The following EEPD1 variants were observed in gnomAD, a reference collection of about 807,000 sequenced individuals.
EEPD1 encodes the protein endonuclease/exonuclease/phosphatase family domain-containing protein 1.
EEPD1 carries 17 observed loss-of-function variants against 46.3 expected under a neutral mutation model. That is an observed-to-expected ratio of 0.37 (90% CI 0.25 to 0.55). The LOEUF (loss-of-function observed/expected upper bound fraction) is 0.55. EEPD1 is among the 20% of genes least tolerant of loss of function. The probability of loss-of-function intolerance (pLI) is 0.83; values close to 1 mark genes in which losing one functional copy is unlikely to be tolerated. For missense variants in EEPD1, 673 were observed against 745.6 expected (o/e 0.90, Z 1.13); for synonymous variants, 313 against 315.6 (o/e 0.99, Z 0.09).
chr7:36,234,452 G>A (rs1437591044), intron 2 of EEPD1, among the ~76,000 whole-genome samples: 1 of 151,968 alleles, frequency 6.6e-6, no homozygotes, highest in Admixed American at 6.6e-5. Flanking sequence ...GAGGCGAATC[G>A]CTTGAGCTCA....
chr7:36,224,469 C>G (rs1429759727), intron 2 of EEPD1, among the ~76,000 whole-genome samples: 1 of 152,134 alleles, frequency 6.6e-6, no homozygotes, highest in Non-Finnish European at 1.5e-5. Flanking sequence ...TCCTGCAGAA[C>G]AAGGTAAAAG....
intron 3 of EEPD1, among the ~76,000 whole-genome samples, chr7:36,248,514 C>CT (rs35722763): frequency 2.4e-3 from 303 of 126,746 alleles, no homozygotes; most frequent in East Asian, 0.016. Flanking sequence ...GCCAGATACT[C>CT]TTTTTTTTTT....
intron 4 of EEPD1, among the ~76,000 whole-genome samples, chr7:36,284,157 A>G (rs1387148572): frequency 6.6e-6 from 1 of 152,198 alleles, no homozygotes; most frequent in Non-Finnish European, 1.5e-5. Context: ...CCATTAGGTC[A>G]ACTGCGACCT....
chr7:36,296,859 T>A (rs1266785252), intron 6 of EEPD1, 134 bp from the exon 7 acceptor site: 9 of 772,400 alleles, frequency 1.2e-5, no homozygotes, highest in African/African-American at 3.5e-5. Context: ...GTGAGGAGAG[T>A]GAGAACCATG....
chr7:36,279,317 G>A (rs1787226274), intron 3 of EEPD1, among the ~76,000 whole-genome samples: 1 of 152,144 alleles, frequency 6.6e-6, no homozygotes, highest in South Asian at 2.1e-4. Flanking sequence ...ATGCTTACAT[G>A]ACTAACTGTA....
intron 2 of EEPD1, among the ~76,000 whole-genome samples, chr7:36,174,074 T>C (rs1362850555): frequency 1.3e-5 from 2 of 152,192 alleles, no homozygotes; most frequent in Non-Finnish European, 2.9e-5. Flanking sequence ...ACTGTGTGGC[T>C]GGTGGCAGTA....
intron 2 of EEPD1, among the ~76,000 whole-genome samples, chr7:36,159,459 C>G (rs1562668325): frequency 6.6e-6 from 1 of 152,208 alleles, no homozygotes; most frequent in Non-Finnish European, 1.5e-5. Context: ...TCCATTTTGA[C>G]ACTTTTGGAA....
intron 6 of EEPD1, among the ~76,000 whole-genome samples, chr7:36,292,444 T>TCTCC (rs887867718): frequency 2.7e-4 from 41 of 151,638 alleles, no homozygotes; most frequent in African/African-American, 9.7e-4. Context: ...TCTCTCTGTC[T>TCTCC]CTCCCTCCCT....
rs372191625 is a variant in EEPD1 at position 36,287,651 on chromosome 7, G to C, written c.1189G>C (p.Asp397His). 1 of 1,613,914 alleles carries C rather than the reference G, an allele frequency of 6.2e-7. No individual in the cohort carries two copies. Among genetic ancestry groups the C allele is most frequent in the Non-Finnish European group, 8.5e-7 (1 of 1,179,894 alleles). ...YLGRFKVGSH[D>H]LTLVNLHLAA... ...TCCTGCTGCCTAGGTGGGAAGTCAC[G>C]ACCTGACCCTTGTTAACCTTCACCT... The change falls in exon 6 of 8, where the codon GAC (aspartate) becomes CAC (histidine). Residue 397 changes from aspartate to histidine, a missense_variant. By Grantham distance (81) the Asp-to-His change is moderately conservative. Coordinates refer to ENST00000242108, the MANE Select transcript of EEPD1 (RefSeq NM_030636.3).
chr7:36,262,757 C>CTA (rs1156607149), intron 3 of EEPD1, among the ~76,000 whole-genome samples: 4 of 152,214 alleles, frequency 2.6e-5, no homozygotes, highest in Admixed American at 2.6e-4. Flanking sequence ...CATTGTGCCT[C>CTA]TAAGTACACA....
intron 2 of EEPD1, among the ~76,000 whole-genome samples, chr7:36,168,802 C>A (rs907055992): frequency 6.6e-6 from 1 of 150,958 alleles, no homozygotes; most frequent in African/African-American, 2.4e-5. Context: ...TGTTTCCTAG[C>A]CTTTCTAGAT....
intron 2 of EEPD1, among the ~76,000 whole-genome samples, chr7:36,165,741 T>G (rs984930231): frequency 6.6e-6 from 1 of 152,030 alleles, no homozygotes. Flanking sequence ...CCGGCCCTAA[T>G]GATCCATTTC....
intron 2 of EEPD1, among the ~76,000 whole-genome samples, chr7:36,211,616 C>T (rs190978135): frequency 5.0e-4 from 76 of 152,234 alleles, no homozygotes; most frequent in Admixed American, 1.3e-3. Context: ...GCAGTGGGTT[C>T]GACTACTTTT....
At chr7:36,269,753 A>G (rs971136853) in intron 3 of EEPD1, among the ~76,000 whole-genome samples, 3 of 152,242 alleles carry the variant, frequency 2.0e-5, no homozygotes, top group Non-Finnish European at 2.9e-5. Context: ...AATTTTAAAA[A>G]ATAAAGCAAA....
At chr7:36,176,496 A>C (rs994744012) in intron 2 of EEPD1, among the ~76,000 whole-genome samples, 1 of 152,216 alleles carries the variant, frequency 6.6e-6, no homozygotes, top group African/African-American at 2.4e-5. Context: ...TTCGGTTCAG[A>C]TGCTATGTCG....
At chr7:36,266,668 A>G (rs1010725779) in intron 3 of EEPD1, among the ~76,000 whole-genome samples, 1 of 152,182 alleles carries the variant, frequency 6.6e-6, no homozygotes, top group African/African-American at 2.4e-5. Flanking sequence ...CATCACCTCT[A>G]TCTAGTTCCA....
At chr7:36,174,098 G>A (rs1177746593) in intron 2 of EEPD1, among the ~76,000 whole-genome samples, 1 of 152,206 alleles carries the variant, frequency 6.6e-6, no homozygotes, top group Non-Finnish European at 1.5e-5. Context: ...GGTGGCCAGG[G>A]CTGGTGCTGT....
At chr7:36,170,355 G>A (rs1785056598) in intron 2 of EEPD1, among the ~76,000 whole-genome samples, 1 of 152,130 alleles carries the variant, frequency 6.6e-6, no homozygotes, top group Non-Finnish European at 1.5e-5. Flanking sequence ...GTTGCAGTGA[G>A]CTGAGGTCGT....
chr7:36,170,454 T>C (rs1408811909), intron 2 of EEPD1, among the ~76,000 whole-genome samples: 2 of 150,202 alleles, frequency 1.3e-5, no homozygotes, highest in African/African-American at 2.5e-5. Flanking sequence ...GTTTATTTCC[T>C]GTTCTTTTAA....
Sources: allele counts gnomAD v4.1 joint callset (sites outside exome capture counted in the v4.1 genomes callset), GRCh38; gene constraint gnomAD v4.1.1; transcripts MANE v1.5; gene names NCBI Gene and HGNC (gene_info 2026-07-23, HGNC 2026-07-21).